The following SCLT1 variants were observed in gnomAD, a reference collection of about 807,000 sequenced individuals.
SCLT1 encodes the protein sodium channel and clathrin linker 1.
A neutral mutation model predicts 112.8 loss-of-function variants in SCLT1; 78 were observed. That is an observed-to-expected ratio of 0.69 (90% CI 0.58 to 0.83). SCLT1 has a LOEUF of 0.83. Ranked by LOEUF, SCLT1 falls within the 40% of genes least tolerant of loss-of-function variation. The pLI, the probability that SCLT1 is intolerant of heterozygous loss-of-function variation, is 0.00. For synonymous variants in SCLT1, 257 were observed against 254.7 expected (o/e 1.01, Z -0.09); for missense variants, 747 against 770.4 (o/e 0.97, Z 0.36).
chr4:128,888,727 T>C lies in SCLT1; in HGVS notation c.1956A>G (p.Gln652=), dbSNP rs147272290. ...TCTCTTCTGCCTGACTTAGACGCCT[T>C]TGAAGTCTGTTGGCTTTTTCTTGAT... ...LEHQEKANRL[Q]RRLSQAEERA... The change falls in exon 20 of 21, where the codon CAA becomes CAG. Residue 652 remains glutamine (Q), a synonymous_variant. Transcript: ENST00000281142. 110 of 1,613,464 alleles carry C rather than the reference T, an allele frequency of 6.8e-5. No individual in the cohort carries two copies. The highest frequency in any genetic ancestry group is 6.6e-4 in the Middle Eastern group (4 of 6,062).
At chr4:128,973,092 C>T (rs1190127411) in intron 9 of SCLT1, among the ~76,000 whole-genome samples, 1 of 148,872 alleles carries the variant, frequency 6.7e-6, no homozygotes, top group Non-Finnish European at 1.5e-5. Flanking sequence ...TAGTCTTCTT[C>T]TTTTTCTAAC....
chr4:129,082,876 A>T (rs1347004335), intron 1 of SCLT1, among the ~76,000 whole-genome samples: 1 of 152,160 alleles, frequency 6.6e-6, no homozygotes, highest in East Asian at 1.9e-4. Flanking sequence ...AAGACCCAGA[A>T]TAAAGGTGAG....
intron 18 of SCLT1, among the ~76,000 whole-genome samples, chr4:128,900,017 A>G (rs1428278498): frequency 6.6e-6 from 1 of 152,230 alleles, no homozygotes; most frequent in Non-Finnish European, 1.5e-5. Flanking sequence ...TGCTCAAGGA[A>G]ATAAAAGAGG....
At chr4:128,960,669 C>T (rs891101623) in intron 11 of SCLT1, among the ~76,000 whole-genome samples, 1 of 151,886 alleles carries the variant, frequency 6.6e-6, no homozygotes. Flanking sequence ...GCCTGTAATC[C>T]CAGCACTTTG....
intron 7 of SCLT1, 23 bp from the exon 8 acceptor site, chr4:128,997,962 G>A (rs757191399): frequency 1.0e-5 from 13 of 1,279,042 alleles, no homozygotes; most frequent in African/African-American, 1.5e-5. Context: ...GGTAAGGGGA[G>A]TATATAAATA....
intron 2 of SCLT1, among the ~76,000 whole-genome samples, chr4:129,064,248 G>A (rs1750268104): frequency 6.6e-6 from 1 of 152,074 alleles, no homozygotes; most frequent in Non-Finnish European, 1.5e-5. Flanking sequence ...TATATGGTTT[G>A]CAAATTTTTC....
chr4:129,085,557 T>C (rs1429536671), intron 1 of SCLT1, among the ~76,000 whole-genome samples: 1 of 152,142 alleles, frequency 6.6e-6, no homozygotes, highest in Non-Finnish European at 1.5e-5. Flanking sequence ...CAAAGACACA[T>C]GAGCATGTAT....
chr4:128,879,436 G>A (rs190783087), downstream of SCLT1, among the ~76,000 whole-genome samples: 51 of 152,228 alleles, frequency 3.4e-4, no homozygotes, highest in Non-Finnish European at 3.8e-4. Flanking sequence ...AATGGGAGAG[G>A]TGTCAAAATT....
chr4:128,905,220 A>T (rs1233180783), intron 18 of SCLT1, among the ~76,000 whole-genome samples: 1 of 152,186 alleles, frequency 6.6e-6, no homozygotes, highest in Non-Finnish European at 1.5e-5. Context: ...TGCTCAAGTC[A>T]AAAGCTTAGG....
chr4:129,021,513 T>A (rs1579729124), intron 5 of SCLT1, among the ~76,000 whole-genome samples: 1 of 152,180 alleles, frequency 6.6e-6, no homozygotes, highest in Non-Finnish European at 1.5e-5. Flanking sequence ...GGGAGGGGCA[T>A]CCGCCATTAC....
In SCLT1 at chr4:128,896,591, A is replaced by G. The variant is rs111796622; in HGVS notation, c.1830-5454T>C. Among the ~76,000 whole-genome samples the G allele has an allele frequency of 5.6e-3, 852 of 152,298 alleles. 15 individuals carry two copies. The highest frequency in any genetic ancestry group is 0.019 in the African/African-American group (801 of 41,564). On this transcript the variant is annotated intron_variant, in intron 18 of 20. Coordinates refer to ENST00000281142, the MANE Select transcript of SCLT1 (RefSeq NM_144643.4). The stretch of plus-strand genomic sequence containing the variant: ...GATGGGGAAAAAACAGAGCAGAAAA[A>G]CTGGAAACTCTAAAAATCAGAGTGC...
At chr4:129,092,165 CATGCA>C (rs1204727180) in intron 1 of SCLT1, among the ~76,000 whole-genome samples, 2 of 152,190 alleles carry the variant, frequency 1.3e-5, no homozygotes, top group Non-Finnish European at 2.9e-5. Flanking sequence ...TCCTATAACC[CATGCA>C]ATGGTCCATA....
chr4:129,090,041 C>T (rs918351716), intron 1 of SCLT1, among the ~76,000 whole-genome samples: 4 of 152,114 alleles, frequency 2.6e-5, no homozygotes, highest in Non-Finnish European at 4.4e-5. Context: ...TTTCTACATA[C>T]TAGCAACGAA....
intron 14 of SCLT1, among the ~76,000 whole-genome samples, chr4:128,951,545 A>G (rs931646696): frequency 5.9e-5 from 9 of 152,164 alleles, no homozygotes; most frequent in African/African-American, 2.2e-4. Context: ...TCCCTTGAGA[A>G]TACAGAAAGA....
In SCLT1 at chr4:128,955,604, G is replaced by C. The variant is rs189181170; in HGVS notation, c.1146+1422C>G. Among the ~76,000 whole-genome samples the C allele has an allele frequency of 5.9e-4, 90 of 152,184 alleles. No individual in the cohort carries two copies. The East Asian group carries it at 0.016, about 28-fold the overall frequency. On this transcript the variant is annotated intron_variant, in intron 13 of 20. Transcript: ENST00000281142. ...TGTAAAGTTATTCTCAATTCAACAGGTTAATTCTACATATTTGAAGGACAT... is the reference window on the plus strand; with the variant it reads ...TGTAAAGTTATTCTCAATTCAACAGCTTAATTCTACATATTTGAAGGACAT...
intron 9 of SCLT1, chr4:128,970,680 T>C (rs546108580): frequency 2.0e-6 from 1 of 499,164 alleles, no homozygotes; most frequent in South Asian, 2.5e-5. Context: ...GCGAAGGGTA[T>C]GAAGTAGAGG....
intron 4 of SCLT1, chr4:129,040,159 T>C: frequency 1.4e-6 from 1 of 702,410 alleles, no homozygotes; most frequent in Non-Finnish European, 2.6e-6. Flanking sequence ...GAATAGCAAA[T>C]TCTAACTATA....
chr4:129,043,426 C>G lies in SCLT1; in HGVS notation c.203G>C (p.Gly68Ala). 2 of 1,548,368 alleles carry G rather than the reference C, an allele frequency of 1.3e-6. No individual in the cohort carries two copies. The highest frequency in any genetic ancestry group is 1.8e-6 in the Non-Finnish European group (2 of 1,128,772). The change falls in exon 4 of 21, where the codon GGA becomes GCA. Residue 68 changes from glycine (G) to alanine (A), a missense_variant. By Grantham distance (60) the Gly-to-Ala change is moderately conservative (BLOSUM62 0). Transcript: ENST00000281142. ...PLVTEYDKHL[G>A]ELNGQLKYYQ... ...ATATTTCAGCTGCCCATTTAGTTCTCCTAGGTGTTTATCATACTCAGTAAC... is the reference window on the plus strand; with the variant it reads ...ATATTTCAGCTGCCCATTTAGTTCTGCTAGGTGTTTATCATACTCAGTAAC...
At chr4:128,967,889 ATTGCTT>A (rs1740348922) in intron 10 of SCLT1, among the ~76,000 whole-genome samples, 1 of 152,096 alleles carries the variant, frequency 6.6e-6, no homozygotes, top group African/African-American at 2.4e-5. Flanking sequence ...TTTTGTTGGA[ATTGCTT>A]TTGGAGTCTT....
Sources: allele counts gnomAD v4.1 joint callset (sites outside exome capture counted in the v4.1 genomes callset), GRCh38; gene constraint gnomAD v4.1.1; transcripts MANE v1.5; gene names NCBI Gene and HGNC (gene_info 2026-07-23, HGNC 2026-07-21).